SIPA1L1: variants seen among roughly 807,000 people sequenced by gnomAD.
SIPA1L1 encodes signal-induced proliferation-associated 1-like protein 1.
A neutral mutation model predicts 162.7 loss-of-function variants in SIPA1L1; 26 were observed. That is an observed-to-expected ratio of 0.16 (90% CI 0.12 to 0.22). The LOEUF (loss-of-function observed/expected upper bound fraction) is 0.22, where lower values mean the gene tolerates loss of function less well. SIPA1L1 is among the 10% of genes least tolerant of loss of function. The pLI is 1.00. For missense variants in SIPA1L1, 1,874 were observed against 2,241.0 expected, an observed-to-expected ratio of 0.84 and a Z score of 3.31; for synonymous variants, 829 against 837.4, an observed-to-expected ratio of 0.99 and a Z score of 0.17.
chr14:71,334,713 G>T (rs2034905165), intron 2 of SIPA1L1, among the ~76,000 whole-genome samples: 2 of 152,136 alleles, frequency 1.3e-5, no homozygotes, highest in African/African-American at 4.8e-5. Flanking sequence ...TAATAGGTCA[G>T]ATGATTTTGG....
chr14:71,533,206 T>A (rs1178132772), intron 4 of SIPA1L1, among the ~76,000 whole-genome samples: 1 of 152,206 alleles, frequency 6.6e-6, no homozygotes, highest in African/African-American at 2.4e-5. Context: ...CATTTATTTT[T>A]AAAAAATCAA....
At chr14:71,681,120 A>C (rs1302305669) in intron 12 of SIPA1L1, among the ~76,000 whole-genome samples, 1 of 152,212 alleles carries the variant, frequency 6.6e-6, no homozygotes, top group East Asian at 1.9e-4. Flanking sequence ...CCAAAGAGTG[A>C]ACGGAACCAG....
At chr14:71,659,798 A>G (rs958720954) in intron 9 of SIPA1L1, among the ~76,000 whole-genome samples, 1 of 152,140 alleles carries the variant, frequency 6.6e-6, no homozygotes, top group East Asian at 1.9e-4. Context: ...AGCTCTCTCA[A>G]TTATTTAATT....
intron 9 of SIPA1L1, 119 bp from the exon 10 acceptor site, chr14:71,661,191 C>T: frequency 2.0e-6 from 2 of 996,534 alleles, no homozygotes; most frequent in South Asian, 3.3e-5. Flanking sequence ...GTGTAGATTA[C>T]CTACCTTCAT....
intron 6 of SIPA1L1, 88 bp downstream of exon 6, chr14:71,618,975 G>A (rs533035080): frequency 2.9e-5 from 41 of 1,407,224 alleles, no homozygotes; most frequent in Non-Finnish European, 2.0e-5. Flanking sequence ...AAATTTAATA[G>A]CACATGGTTA....
At chr14:71,523,062 G>A (rs1421337204) in intron 3 of SIPA1L1, among the ~76,000 whole-genome samples, 1 of 151,816 alleles carries the variant, frequency 6.6e-6, no homozygotes, top group Admixed American at 6.6e-5. Flanking sequence ...CTGATTCACT[G>A]TTCATCTGTG....
At chr14:71,448,791 A>C (rs1219831734) in intron 2 of SIPA1L1, 1 of 152,136 alleles carries the variant, frequency 6.6e-6, no homozygotes, top group Non-Finnish European at 1.5e-5. Context: ...ATGCCAATTG[A>C]GTGTCCCTAC....
At chr14:71,545,000 CTACAAATATACACCACCATGCCCAGT>C (rs2055051733) in intron 4 of SIPA1L1, among the ~76,000 whole-genome samples, 1 of 152,056 alleles carries the variant, frequency 6.6e-6, no homozygotes, top group South Asian at 2.1e-4. Context: ...GTGTCTAGGA[CTACAAATATACACCACCATGCCCAGT>C]TAATTTTTAT....
chr14:71,604,162 T>C (rs1427684285), intron 5 of SIPA1L1, among the ~76,000 whole-genome samples: 2 of 150,916 alleles, frequency 1.3e-5, no homozygotes, highest in African/African-American at 4.9e-5. Flanking sequence ...CACGCCTGGC[T>C]CACTTTTATA....
intron 16 of SIPA1L1, among the ~76,000 whole-genome samples, chr14:71,707,147 GCA>G: frequency 6.7e-6 from 1 of 149,844 alleles, no homozygotes; most frequent in South Asian, 2.1e-4. Context: ...ACACACACAC[GCA>G]CACACACACA....
At position 71,442,127 on chromosome 14, in the gene SIPA1L1, C is replaced by T. The variant is rs530752999; in HGVS notation, c.-464-70616C>T. 2.9e-3 allele frequency among the ~76,000 whole-genome samples: 397 copies of T among 136,520 alleles called. 4 individuals are homozygous for T. The South Asian group carries it at 0.032, about 11-fold the overall frequency. 89.6% of individuals were successfully genotyped at this position (136,520 alleles called of 152,430 possible). On this transcript the variant is annotated intron_variant, in intron 2 of 23. Coordinates refer to ENST00000381232, the MANE Select transcript of SIPA1L1 (RefSeq NM_001386936.1). Reference sequence around the variant, plus strand: ...GGCTGGGGTTGCAGTGAGCTGAGATCGCGTCACTGTACTCCAGCCTGGATG... The same window carrying T: ...GGCTGGGGTTGCAGTGAGCTGAGATTGCGTCACTGTACTCCAGCCTGGATG...
At chr14:71,485,103 G>A (rs1198779101) in intron 2 of SIPA1L1, among the ~76,000 whole-genome samples, 1 of 152,256 alleles carries the variant, frequency 6.6e-6, no homozygotes, top group South Asian at 2.1e-4. Flanking sequence ...GTACAATAAC[G>A]TTTCCACAAA....
In SIPA1L1 at chr14:71,588,383, C is replaced by T. The variant is rs560359485; in HGVS notation, c.511C>T (p.Arg171Cys). The T allele has an allele frequency of 6.2e-6, 10 of 1,613,954 alleles. No homozygotes were observed. The highest frequency in any genetic ancestry group is 2.7e-5 in the African/African-American group (2 of 75,044). The change falls in exon 5 of 24, where the codon CGC becomes TGC. Residue 171 changes from arginine (R) to cysteine (C), a missense_variant. By Grantham distance (180) the Arg-to-Cys change is radical. Around this residue, in one of 5 missense-constraint regions of SIPA1L1, gnomAD observed 685 missense variants for 828.0 expected, o/e 0.83. Coordinates refer to ENST00000381232, the MANE Select transcript of SIPA1L1 (RefSeq NM_001386936.1). The surrounding 1 kb of genome is among the most constrained non-coding windows in gnomAD (Gnocchi z 4.3). The part of the protein sequence containing the change: ...SSPRKALRRI[R>C]QRSNSDITIS... ...CCCCAGAAAAGCTCTTCGCAGAATA[C>T]GCCAGCGAAGCAACAGTGATATCAC... is the stretch of plus-strand genomic sequence containing the variant.
intron 2 of SIPA1L1, among the ~76,000 whole-genome samples, chr14:71,456,787 T>C (rs1184515215): frequency 6.6e-6 from 1 of 152,240 alleles, no homozygotes; most frequent in Non-Finnish European, 1.5e-5. Context: ...TAAAATAAAA[T>C]ATATTTTTCT....
intron 4 of SIPA1L1, among the ~76,000 whole-genome samples, chr14:71,530,090 G>C (rs1307910806): frequency 6.6e-6 from 1 of 152,172 alleles, no homozygotes; most frequent in East Asian, 1.9e-4. Context: ...TTTTATTTAA[G>C]CCAGTTTGAG....
At chr14:71,611,850 G>A (rs758721284) in intron 5 of SIPA1L1, among the ~76,000 whole-genome samples, 19 of 152,050 alleles carry the variant, frequency 1.2e-4, no homozygotes, top group Non-Finnish European at 2.5e-4. Flanking sequence ...TGTAAATACT[G>A]CTGCAATAAA....
chr14:71,547,368 A>G (rs1445103143), intron 4 of SIPA1L1, among the ~76,000 whole-genome samples: 1 of 125,068 alleles, frequency 8.0e-6, no homozygotes, highest in African/African-American at 3.2e-5. Flanking sequence ...ATCTCGGCTT[A>G]CTGCAACCTC....
Position 71,476,320 on chromosome 14 carries a change from C to G in SIPA1L1, c.-464-36423C>G, listed in dbSNP as rs919392979. Among the ~76,000 whole-genome samples the G allele has an allele frequency of 3.3e-5, 5 of 152,198 alleles. No homozygotes were observed. In the East Asian group the frequency reaches 7.7e-4, roughly 23 times the overall value. ...CACCTGCTTTGTAACATCAGTGTCTCAAAAGCCAGAAGCCAAATGGCAAGA... is the reference window on the plus strand; with the variant it reads ...CACCTGCTTTGTAACATCAGTGTCTGAAAAGCCAGAAGCCAAATGGCAAGA... On this transcript the variant is annotated intron_variant, in intron 2 of 23. Coordinates refer to ENST00000381232, the MANE Select transcript of SIPA1L1 (RefSeq NM_001386936.1).
chr14:71,379,562 G>A (rs1250171445), intron 2 of SIPA1L1: 1 of 152,120 alleles, frequency 6.6e-6, no homozygotes, highest in African/African-American at 2.4e-5. Flanking sequence ...CTTCCAAAGT[G>A]TTGGGATTAT....
Sources: gnomAD v4.1 joint callset for allele counts (sites outside exome capture counted in the v4.1 genomes callset) on GRCh38, gnomAD v4.1.1 for gene constraint, gnomAD v4.1.1 regional missense constraint, Gnocchi (gnomAD v3.1) non-coding constraint, MANE v1.5 for transcripts, NCBI Gene and HGNC (gene_info 2026-07-23, HGNC 2026-07-21) for gene names.